PPM1L: variants seen among roughly 807,000 people sequenced by gnomAD.
The protein encoded by PPM1L is protein phosphatase 1L.
PPM1L carries 13 observed loss-of-function variants against 31.4 expected under a neutral mutation model. The ratio of observed to expected loss-of-function variants is 0.41; its 90% CI spans 0.27 to 0.66. The LOEUF is 0.66. Among genes scored for constraint, PPM1L ranks in the 30% least tolerant of loss-of-function variants. PPM1L has a pLI of 0.29. For missense variants in PPM1L, 326 were observed against 453.7 expected (o/e 0.72, Z 2.56); for synonymous variants, 184 against 175.4 (o/e 1.05, Z -0.39).
chr3:160,969,692 C>T (rs547991087), intron 2 of PPM1L, among the ~76,000 whole-genome samples: 4 of 152,148 alleles, frequency 2.6e-5, no homozygotes, highest in Non-Finnish European at 5.9e-5. Flanking sequence ...TCAAAAGATA[C>T]CCTCTCCAGG....
chr3:161,019,497 C>T (rs1718182487), intron 2 of PPM1L, among the ~76,000 whole-genome samples: 1 of 152,126 alleles, frequency 6.6e-6, no homozygotes, highest in African/African-American at 2.4e-5. Context: ...CATGTCTGGC[C>T]ACCAATTCTT....
intron 1 of PPM1L, among the ~76,000 whole-genome samples, chr3:160,944,327 G>A (rs758578241): frequency 1.3e-5 from 2 of 151,850 alleles, no homozygotes; most frequent in African/African-American, 2.4e-5. Context: ...AGAATCTAAA[G>A]TTGCTTAAGT....
At chr3:161,015,920 A>G (rs9875200) in intron 2 of PPM1L, among the ~76,000 whole-genome samples, 88,334 of 151,956 alleles carry the variant, frequency 0.58, 27,048 homozygotes, top group East Asian at 0.92. Flanking sequence ...CTGAATGTAC[A>G]TCCCACCTTA....
At chr3:160,772,629 G>A (rs886149152) in intron 1 of PPM1L, among the ~76,000 whole-genome samples, 1 of 151,998 alleles carries the variant, frequency 6.6e-6, no homozygotes, top group Non-Finnish European at 1.5e-5. Flanking sequence ...ATATACCCAC[G>A]AAACCATTGT....
intron 2 of PPM1L, among the ~76,000 whole-genome samples, chr3:161,007,174 T>G (rs1717741870): frequency 1.3e-5 from 2 of 152,172 alleles, no homozygotes; most frequent in Non-Finnish European, 2.9e-5. Context: ...AGGGGGCACA[T>G]TAAACAACAA....
intron 1 of PPM1L, among the ~76,000 whole-genome samples, chr3:160,945,056 A>G (rs1299311349): frequency 8.9e-6 from 1 of 112,912 alleles, no homozygotes; most frequent in Admixed American, 9.4e-5. Context: ...ATTATATATA[A>G]CTATATATAA....
chr3:161,068,145 A>T (rs1719794573), intron 3 of PPM1L, among the ~76,000 whole-genome samples: 1 of 152,220 alleles, frequency 6.6e-6, no homozygotes, highest in African/African-American at 2.4e-5. Flanking sequence ...GTGCCAAATG[A>T]CTTATGTGGA....
chr3:160,983,839 G>C (rs533241030), intron 2 of PPM1L, among the ~76,000 whole-genome samples: 1 of 152,234 alleles, frequency 6.6e-6, no homozygotes, highest in South Asian at 2.1e-4. Context: ...ATGTCAGCAG[G>C]TTCCATGATG....
chr3:161,047,246 A>C (rs541907622), intron 2 of PPM1L, among the ~76,000 whole-genome samples: 1 of 152,242 alleles, frequency 6.6e-6, no homozygotes, highest in East Asian at 1.9e-4. Flanking sequence ...GCAAAGTCTC[A>C]GTATACAAAA....
At chr3:161,028,308 C>T (rs1718467218) in intron 2 of PPM1L, among the ~76,000 whole-genome samples, 1 of 151,996 alleles carries the variant, frequency 6.6e-6, no homozygotes, top group Non-Finnish European at 1.5e-5. Context: ...AGTTTGAGGT[C>T]CCTACAGGAA....
At chr3:161,027,431 T>C (rs1718434619) in intron 2 of PPM1L, among the ~76,000 whole-genome samples, 1 of 152,222 alleles carries the variant, frequency 6.6e-6, no homozygotes, top group South Asian at 2.1e-4. Flanking sequence ...GTTAGTTCCC[T>C]GTGACTGGGG....
intron 1 of PPM1L, among the ~76,000 whole-genome samples, chr3:160,892,270 A>T (rs1467616156): frequency 6.6e-6 from 1 of 152,160 alleles, no homozygotes; most frequent in Non-Finnish European, 1.5e-5. Flanking sequence ...GGGAGCTTTT[A>T]TTCGTGGCAA....
chr3:160,928,693 G>T (rs1195343796), intron 1 of PPM1L, among the ~76,000 whole-genome samples: 1 of 152,084 alleles, frequency 6.6e-6, no homozygotes, highest in African/African-American at 2.4e-5. Context: ...CCTCAAGAAT[G>T]GGACTAGTGA....
chr3:160,935,968 T>G (rs1327558194), intron 1 of PPM1L, among the ~76,000 whole-genome samples: 1 of 152,180 alleles, frequency 6.6e-6, no homozygotes, highest in African/African-American at 2.4e-5. Flanking sequence ...GAAACACATC[T>G]GGAGATTCGG....
chr3:160,775,819 C>G (rs7642371), intron 1 of PPM1L, among the ~76,000 whole-genome samples: 83,121 of 152,154 alleles, frequency 0.55, 26,147 homozygotes, highest in African/African-American at 0.87. Context: ...CTTCCCCAAA[C>G]GATCATGCAA....
intron 1 of PPM1L, among the ~76,000 whole-genome samples, chr3:160,951,863 G>A (rs1019971515): frequency 2.0e-5 from 3 of 152,110 alleles, no homozygotes; most frequent in Non-Finnish European, 2.9e-5. Flanking sequence ...TGTGGTAGTC[G>A]CTTTACCACA....
chr3:160,926,946 C>T (rs1232064296), intron 1 of PPM1L, among the ~76,000 whole-genome samples: 1 of 152,172 alleles, frequency 6.6e-6, no homozygotes, highest in Non-Finnish European at 1.5e-5. Context: ...CTTGTTTAGT[C>T]CTATAAATAA....
At chr3:160,924,287 A>G (rs1046446830) in intron 1 of PPM1L, among the ~76,000 whole-genome samples, 4 of 152,192 alleles carry the variant, frequency 2.6e-5, no homozygotes, top group Admixed American at 6.5e-5. Context: ...TTTTGGATAC[A>G]TTGAAGAATC....
intron 1 of PPM1L, among the ~76,000 whole-genome samples, chr3:160,849,531 C>T (rs1714194062): frequency 6.6e-6 from 1 of 152,042 alleles, no homozygotes; most frequent in Non-Finnish European, 1.5e-5. Flanking sequence ...TGCCATTCTC[C>T]TGCCTCAGCC....
Sources: gnomAD v4.1 joint callset for allele counts (sites outside exome capture counted in the v4.1 genomes callset) on GRCh38, gnomAD v4.1.1 for gene constraint, MANE v1.5 for transcripts, NCBI Gene and HGNC (gene_info 2026-07-23, HGNC 2026-07-21) for gene names.